The following SUPT3H variants were observed in gnomAD, a reference collection of about 807,000 sequenced individuals.
SUPT3H encodes transcription initiation protein SPT3 homolog.
Under a neutral mutation model 44.3 loss-of-function variants are expected in SUPT3H, and 44 were observed. The ratio of observed to expected loss-of-function variants is 0.99; its 90% CI spans 0.78 to 1.28. The LOEUF is 1.28. Ranked by LOEUF, SUPT3H falls within the 50% of genes most tolerant of loss-of-function variation. The pLI, the probability that SUPT3H is intolerant of heterozygous loss-of-function variation, is 0.00. For missense variants in SUPT3H, 380 were observed against 387.1 expected (o/e 0.98, Z 0.15); for synonymous variants, 124 against 125.6 (o/e 0.99, Z 0.09).
At chr6:44,923,925 T>A in intron 10 of SUPT3H, among the ~76,000 whole-genome samples, 1 of 152,110 alleles carries the variant, frequency 6.6e-6, no homozygotes, top group East Asian at 1.9e-4. Flanking sequence ...AAAATGAAGT[T>A]CACCAAATAT....
At chr6:45,086,253 C>T (rs765994921) in intron 3 of SUPT3H, among the ~76,000 whole-genome samples, 3 of 151,952 alleles carry the variant, frequency 2.0e-5, no homozygotes, top group Non-Finnish European at 4.4e-5. Flanking sequence ...ATGCTTACTG[C>T]ACAAATAAAT....
chr6:44,814,245 T>C (rs188574070), intron 11 of SUPT3H, among the ~76,000 whole-genome samples: 132 of 152,236 alleles, frequency 8.7e-4, no homozygotes, highest in African/African-American at 2.7e-3. Context: ...TAGGATACAA[T>C]TGAAAACGAA....
intron 2 of SUPT3H, among the ~76,000 whole-genome samples, chr6:45,191,110 T>C (rs1309346963): frequency 1.3e-5 from 2 of 152,124 alleles, no homozygotes; most frequent in East Asian, 3.9e-4. Flanking sequence ...CATATAAACC[T>C]ACACACAAAT....
intron 2 of SUPT3H, among the ~76,000 whole-genome samples, chr6:45,192,640 C>G (rs575898775): frequency 1.3e-5 from 2 of 152,142 alleles, no homozygotes; most frequent in South Asian, 2.1e-4. Flanking sequence ...ACTTTGCACA[C>G]TTTATAAGCC....
At chr6:44,912,779 T>C (rs1767255424) in intron 10 of SUPT3H, among the ~76,000 whole-genome samples, 1 of 152,206 alleles carries the variant, frequency 6.6e-6, no homozygotes, top group Non-Finnish European at 1.5e-5. Context: ...AAGTCTCTTT[T>C]TGTTCTCAGC....
intron 3 of SUPT3H, among the ~76,000 whole-genome samples, 155 bp from the exon 4 acceptor site, chr6:45,020,787 A>G (rs975415292): frequency 6.6e-6 from 1 of 151,984 alleles, no homozygotes; most frequent in African/African-American, 2.4e-5. Flanking sequence ...AAAATGTCTT[A>G]TGTTTTTAAG....
chr6:45,100,564 A>AAAAAAAAAAAACAAAAAAC (rs1798427483), intron 3 of SUPT3H, among the ~76,000 whole-genome samples: 1 of 148,070 alleles, frequency 6.8e-6, no homozygotes, highest in African/African-American at 2.5e-5. Flanking sequence ...AAAAAAAAAA[A>AAAAAAAAAAAACAAAAAAC]GACACACAAA....
At chr6:45,321,426 T>C (rs1031333726) in intron 2 of SUPT3H, among the ~76,000 whole-genome samples, 1 of 152,084 alleles carries the variant, frequency 6.6e-6, no homozygotes, top group African/African-American at 2.4e-5. Context: ...TTTGACACAT[T>C]TATTTTACAA....
At chr6:44,892,930 T>C (rs490515) in intron 10 of SUPT3H, among the ~76,000 whole-genome samples, 3,095 of 152,278 alleles carry the variant, frequency 0.02, 42 homozygotes, top group Non-Finnish European at 0.033. Flanking sequence ...TTTCTGATTT[T>C]GTACTTTACT....
At chr6:45,060,412 C>T (rs1791801535) in intron 3 of SUPT3H, among the ~76,000 whole-genome samples, 1 of 152,056 alleles carries the variant, frequency 6.6e-6, no homozygotes. Context: ...AAAACTGAAA[C>T]TGTACCCTTC....
chr6:44,850,745 C>CATCCATCT (rs150016642), intron 10 of SUPT3H, among the ~76,000 whole-genome samples: 3 of 147,438 alleles, frequency 2.0e-5, no homozygotes, highest in Non-Finnish European at 4.5e-5. Flanking sequence ...GTTTTATATA[C>CATCCATCT]ATCTATCTAT....
At chr6:44,950,987 C>T (rs1366835045) in intron 9 of SUPT3H, among the ~76,000 whole-genome samples, 2 of 151,976 alleles carry the variant, frequency 1.3e-5, no homozygotes, top group African/African-American at 4.8e-5. Context: ...TTCATTCCTT[C>T]CTAACTCTAG....
intron 2 of SUPT3H, among the ~76,000 whole-genome samples, chr6:45,307,532 C>T (rs1281198495): frequency 6.6e-6 from 1 of 152,224 alleles, no homozygotes; most frequent in Non-Finnish European, 1.5e-5. Flanking sequence ...CTCCAGCGAA[C>T]TCCAACAGAC....
rs1800091988 is a variant in SUPT3H, at chr6:45,111,707, C to T, written c.102-5701G>A. 2.6e-5 allele frequency among the ~76,000 whole-genome samples: 4 copies of T among 152,040 alleles called. No individual in the cohort carries two copies. In the South Asian group the frequency reaches 8.3e-4, roughly 32 times the overall value. ...TTTATTCCTTCATCTGAAGATAATG[C>T]TTTTCTATTCTCTGATGTTGAGGAT... is the stretch of plus-strand genomic sequence containing the variant. On this transcript the variant is annotated intron_variant, in intron 2 of 10. Coordinates refer to ENST00000371459, the MANE Select transcript of SUPT3H (RefSeq NM_003599.4).
At chr6:45,340,613 C>T (rs1023172444) in intron 2 of SUPT3H, among the ~76,000 whole-genome samples, 2 of 151,878 alleles carry the variant, frequency 1.3e-5, no homozygotes, top group African/African-American at 4.8e-5. Flanking sequence ...CATAAGCCAC[C>T]GCACCTGGCC....
intron 11 of SUPT3H, among the ~76,000 whole-genome samples, chr6:44,818,877 G>A (rs1484879665): frequency 1.3e-5 from 2 of 152,110 alleles, no homozygotes; most frequent in South Asian, 2.1e-4. Flanking sequence ...TGGTGGGAGT[G>A]CCATATGGTA....
chr6:45,187,101 TAAAAAAAAAAAAA>T (rs70996308), intron 2 of SUPT3H, among the ~76,000 whole-genome samples: 5 of 79,842 alleles, frequency 6.3e-5, no homozygotes, highest in Admixed American at 3.3e-4. Flanking sequence ...TTTTCGCCTT[TAAAAAAAAAAAAA>T]AAAAAAAAAA....
At position 45,232,676 on chromosome 6, in the gene SUPT3H, T is replaced by C. The variant is rs142824484; in HGVS notation, c.102-126670A>G. On this transcript the variant is annotated intron_variant, in intron 2 of 10. Transcript: ENST00000371459. Reference sequence around the variant, plus strand: ...CTGGGGCCCAAGTGTTGCACACTGATGTTGACACTGGCTACAGTGCACGGT... The same window carrying C: ...CTGGGGCCCAAGTGTTGCACACTGACGTTGACACTGGCTACAGTGCACGGT... Among the ~76,000 whole-genome samples, 9 of 152,248 alleles carry C rather than the reference T, an allele frequency of 5.9e-5. No homozygotes were observed. In the East Asian group the frequency reaches 1.7e-3, roughly 29 times the overall value.
intron 2 of SUPT3H, among the ~76,000 whole-genome samples, chr6:45,311,023 CA>C (rs1235670109): frequency 6.6e-6 from 1 of 152,064 alleles, no homozygotes; most frequent in East Asian, 1.9e-4. Context: ...CAAGGAAATC[CA>C]AAAAGTGATA....
Sources: allele counts gnomAD v4.1 joint callset (sites outside exome capture counted in the v4.1 genomes callset), GRCh38; gene constraint gnomAD v4.1.1; transcripts MANE v1.5; gene names NCBI Gene and HGNC (gene_info 2026-07-23, HGNC 2026-07-21).